Variants in FRMPD4 observed in about 807,000 individuals in gnomAD.
FRMPD4 encodes FERM and PDZ domain-containing protein 4.
FRMPD4 carries 22 observed loss-of-function variants against 94.1 expected under a neutral mutation model. The ratio of observed to expected loss-of-function variants is 0.23; its 90% CI spans 0.17 to 0.33. The LOEUF (loss-of-function observed/expected upper bound fraction) is 0.33. Ranked by LOEUF, FRMPD4 falls within the 10% of genes least tolerant of loss-of-function variation. FRMPD4 has a pLI of 1.00. For missense variants in FRMPD4, 1,111 were observed against 1,339.9 expected (o/e 0.83, Z 2.67); for synonymous variants, 631 against 548.6 (o/e 1.15, Z -2.10).
At chrX:12,454,704 T>C (rs914451838) in intron 1 of FRMPD4, among the ~76,000 whole-genome samples, 2 of 111,173 alleles carry the variant, frequency 1.8e-5, no homozygotes, top group Non-Finnish European at 3.8e-5. Context: ...TGCAGATTCT[T>C]ATCCATCACT....
At chrX:12,580,510 A>G (rs930986726) in intron 2 of FRMPD4, among the ~76,000 whole-genome samples, 4 of 112,170 alleles carry the variant, frequency 3.6e-5, no homozygotes, top group African/African-American at 9.7e-5. Context: ...AACAACAATA[A>G]CTAATAATGA....
Position 11,875,907 on chromosome X carries a change from G to A in FRMPD4, c.-29-1988G>A, listed in dbSNP as rs534840015. On this transcript the variant is annotated intron_variant, in intron 2 of 18. Transcript: ENST00000640291. ...TTTTTTTTTTTTGAGATGGAGTCTC[G>A]CTCTGTCGCCCAGGCTGGAGTGCAG... 1.9e-4 allele frequency among the ~76,000 whole-genome samples: 15 copies of A among 79,946 alleles called. No homozygotes were observed. In the South Asian group the frequency reaches 0.01, roughly 54 times the overall value. 69.4% of individuals were successfully genotyped at this position (79,946 alleles called of 115,157 possible). A position where few individuals can be genotyped will look rare whatever the true frequency, so the allele number is the denominator to read the frequency against.
intron 3 of FRMPD4, among the ~76,000 whole-genome samples, chrX:12,116,367 C>T (rs2055408780): frequency 8.9e-6 from 1 of 112,063 alleles, no homozygotes; most frequent in Non-Finnish European, 1.9e-5. Context: ...TTTCCAGATA[C>T]TTGAACTCTC....
chrX:12,223,941 G>A (rs1044976665), intron 1 of FRMPD4, among the ~76,000 whole-genome samples: 27 of 111,027 alleles, frequency 2.4e-4, no homozygotes, highest in Admixed American at 1.5e-3. Context: ...GTATCGTTTA[G>A]CGTCGAGTTT....
At chrX:12,400,269 A>G (rs983534389) in intron 1 of FRMPD4, among the ~76,000 whole-genome samples, 6 of 112,353 alleles carry the variant, frequency 5.3e-5, no homozygotes, top group African/African-American at 1.9e-4. Flanking sequence ...CTGCTTCTTC[A>G]TAATTGTCAT....
chrX:12,213,394 T>G (rs1042195133), intron 1 of FRMPD4, among the ~76,000 whole-genome samples: 1 of 112,505 alleles, frequency 8.9e-6, no homozygotes, highest in African/African-American at 3.2e-5. Context: ...AAATGTTTTC[T>G]GCCAGATTAA....
intron 3 of FRMPD4, among the ~76,000 whole-genome samples, chrX:12,062,891 C>T (rs1415009668): frequency 3.6e-5 from 4 of 111,292 alleles, no homozygotes; most frequent in Non-Finnish European, 7.5e-5. Flanking sequence ...ACAGTTATAG[C>T]CATTTCCCAA....
At chrX:12,665,734 T>C (rs779112638) in intron 4 of FRMPD4, among the ~76,000 whole-genome samples, 16 of 111,884 alleles carry the variant, frequency 1.4e-4, no homozygotes, top group Admixed American at 1.4e-3. Flanking sequence ...CTGAGAGATT[T>C]TGTCACCACC....
intron 3 of FRMPD4, among the ~76,000 whole-genome samples, chrX:11,878,399 A>C (rs972730091): frequency 8.9e-6 from 1 of 112,230 alleles, no homozygotes; most frequent in South Asian, 3.7e-4. Context: ...TTTTGGCTGC[A>C]CTTTTTACAA....
chrX:12,341,890 C>T (rs1276697795), intron 1 of FRMPD4, among the ~76,000 whole-genome samples: 1 of 111,869 alleles, frequency 8.9e-6, no homozygotes, highest in Non-Finnish European at 1.9e-5. Flanking sequence ...TTAATCAGAA[C>T]TAGAAGCTCT....
At chrX:12,320,032 C>T (rs2055184281) in intron 1 of FRMPD4, among the ~76,000 whole-genome samples, 3 of 111,662 alleles carry the variant, frequency 2.7e-5, no homozygotes, top group Admixed American at 9.5e-5. Flanking sequence ...CAGCTCTGTG[C>T]GTGGCTGTCA....
At chrX:11,851,948 TA>T (rs2053624817) in intron 1 of FRMPD4, among the ~76,000 whole-genome samples, 2 of 42,306 alleles carry the variant, frequency 4.7e-5, no homozygotes, top group Admixed American at 6.4e-4. Flanking sequence ...GTAAATATTA[TA>T]CAAAAAAAAA....
At chrX:11,868,134 C>T (rs1308197242) in intron 2 of FRMPD4, among the ~76,000 whole-genome samples, 1 of 112,376 alleles carries the variant, frequency 8.9e-6, no homozygotes, top group Non-Finnish European at 1.9e-5. Flanking sequence ...TCCCTATCTG[C>T]AGTACATTGT....
intron 2 of FRMPD4, among the ~76,000 whole-genome samples, chrX:12,604,501 G>A (rs1007038023): frequency 1.8e-5 from 2 of 111,937 alleles, no homozygotes; most frequent in Non-Finnish European, 3.8e-5. Flanking sequence ...CAGAGCTTAC[G>A]TAGGATTTGT....
chrX:12,319,879 C>T (rs1300904020), intron 1 of FRMPD4, among the ~76,000 whole-genome samples: 1 of 111,859 alleles, frequency 8.9e-6, no homozygotes, highest in Non-Finnish European at 1.9e-5. Flanking sequence ...TCTTAGTTAT[C>T]TTCCATTCAA....
intron 1 of FRMPD4, among the ~76,000 whole-genome samples, chrX:12,258,035 T>A (rs1237315116): frequency 9.0e-6 from 1 of 111,010 alleles, no homozygotes; most frequent in Non-Finnish European, 1.9e-5. Context: ...TTTCATTTTT[T>A]ATTCTTTGTT....
chrX:11,987,097 T>TGAAAAAAAAAAA (rs1569137639), intron 3 of FRMPD4, among the ~76,000 whole-genome samples: 2 of 14,642 alleles, frequency 1.4e-4, no homozygotes, highest in Non-Finnish European at 2.2e-4. Context: ...CAAAGACACA[T>TGAAAAAAAAAAA]TAAAAAAAAA....
chrX:12,718,215 A>C lies in FRMPD4; in HGVS notation c.3389A>C (p.Glu1130Ala), dbSNP rs1166332898. ...GGGGCAAGGGAGGCCGAAGGGAAGG[A>C]AGAAGGAGCTCCTGATGGAGAAACC... ...GLGAREAEGK[E>A]EGAPDGETSD... Residue 1130 changes from glutamate to alanine, a missense_variant, in exon 16 of 17, where the codon GAA becomes GCA. Around this residue, in one of 8 missense-constraint regions of FRMPD4, gnomAD observed 551 missense variants for 591.6 expected, o/e 0.93. Transcript: ENST00000675598. 1.7e-6 allele frequency: 2 copies of C among 1,211,454 alleles called. No homozygotes were observed. The highest frequency in any genetic ancestry group is 3.5e-5 in the South Asian group (2 of 56,982).
chrX:12,233,013 A>T (rs755266314), intron 1 of FRMPD4, among the ~76,000 whole-genome samples: 1 of 111,845 alleles, frequency 8.9e-6, no homozygotes, highest in African/African-American at 3.2e-5. Flanking sequence ...CCTAAATTCT[A>T]TGTTGCCTTA....
Sources: gnomAD v4.1 joint callset for allele counts (sites outside exome capture counted in the v4.1 genomes callset) on GRCh38, gnomAD v4.1.1 for gene constraint, gnomAD v4.1.1 regional missense constraint, MANE v1.5 for transcripts, NCBI Gene and HGNC (gene_info 2026-07-23, HGNC 2026-07-21) for gene names.